Variants in GRID2 observed in about 807,000 individuals in gnomAD.
GRID2 encodes the protein glutamate receptor ionotropic, delta-2.
GRID2 carries 33 observed loss-of-function variants against 114.8 expected under a neutral mutation model. The ratio of observed to expected loss-of-function variants is 0.29; its 90% CI spans 0.22 to 0.38. The LOEUF (loss-of-function observed/expected upper bound fraction) is 0.38, where lower values mean the gene tolerates loss of function less well. GRID2 is among the 10% of genes least tolerant of loss of function. The pLI, the probability that GRID2 is intolerant of heterozygous loss-of-function variation, is 1.00. For synonymous variants in GRID2, 505 were observed against 449.9 expected (o/e 1.12, Z -1.55); for missense variants, 1,184 against 1,257.7 (o/e 0.94, Z 0.89).
intron 2 of GRID2, among the ~76,000 whole-genome samples, chr4:92,744,412 C>T (rs1479373770): frequency 2.0e-5 from 3 of 150,048 alleles, no homozygotes; most frequent in Non-Finnish European, 4.4e-5. Context: ...TCCTTGAACC[C>T]GGGAGGCGGA....
intron 2 of GRID2, among the ~76,000 whole-genome samples, chr4:92,749,990 T>C (rs182342471): frequency 8.9e-4 from 136 of 152,186 alleles, no homozygotes; most frequent in African/African-American, 3.2e-3. Context: ...GCCTCCCGAG[T>C]AGCTGGGATT....
chr4:92,930,095 C>T (rs1025169048), intron 2 of GRID2, among the ~76,000 whole-genome samples: 1 of 151,186 alleles, frequency 6.6e-6, no homozygotes, highest in African/African-American at 2.4e-5. Context: ...ATTTTCATAA[C>T]TTTTTCGTAA....
intron 11 of GRID2, among the ~76,000 whole-genome samples, chr4:93,481,348 C>T (rs760791951): frequency 6.6e-6 from 1 of 152,052 alleles, no homozygotes; most frequent in Non-Finnish European, 1.5e-5. Flanking sequence ...CTTATCAATG[C>T]ATGAGATATC....
chr4:93,704,276 T>C (rs1578615545), intron 14 of GRID2, among the ~76,000 whole-genome samples: 1 of 152,330 alleles, frequency 6.6e-6, no homozygotes, highest in East Asian at 1.9e-4. Flanking sequence ...ATGTGTCTTT[T>C]GGCTGCATAA....
At chr4:92,619,161 T>A (rs571640811) in intron 2 of GRID2, among the ~76,000 whole-genome samples, 1 of 151,868 alleles carries the variant, frequency 6.6e-6, no homozygotes, top group South Asian at 2.1e-4. Context: ...TGAGTAAATT[T>A]TCCACTCTTT....
intron 2 of GRID2, among the ~76,000 whole-genome samples, chr4:92,845,533 A>C (rs1743244623): frequency 6.6e-6 from 1 of 152,028 alleles, no homozygotes; most frequent in African/African-American, 2.4e-5. Context: ...ACCTGACCAA[A>C]AATAAAAATT....
chr4:92,863,445 A>G (rs760995128), intron 2 of GRID2, among the ~76,000 whole-genome samples: 1 of 152,090 alleles, frequency 6.6e-6, no homozygotes, highest in African/African-American at 2.4e-5. Flanking sequence ...AATTCAGGCA[A>G]CTAGAATGAC....
intron 8 of GRID2, among the ~76,000 whole-genome samples, chr4:93,277,106 A>G (rs541751361): frequency 6.6e-6 from 1 of 151,940 alleles, no homozygotes; most frequent in Non-Finnish European, 1.5e-5. Flanking sequence ...GATGCATAAT[A>G]CAAACTAGTA....
intron 2 of GRID2, among the ~76,000 whole-genome samples, chr4:92,689,442 G>A (rs1460344048): frequency 2.0e-5 from 3 of 152,118 alleles, no homozygotes; most frequent in South Asian, 2.1e-4. Flanking sequence ...CCCCAACCAC[G>A]GGGCCAGTTA....
intron 2 of GRID2, among the ~76,000 whole-genome samples, chr4:92,957,809 C>G (rs947660744): frequency 3.9e-5 from 6 of 152,028 alleles, no homozygotes; most frequent in African/African-American, 1.4e-4. Flanking sequence ...TCCATTTATT[C>G]AGTCCTTTTT....
chr4:93,307,305 A>T (rs1303973730), intron 8 of GRID2, among the ~76,000 whole-genome samples: 2 of 152,110 alleles, frequency 1.3e-5, no homozygotes, highest in Non-Finnish European at 2.9e-5. Flanking sequence ...TCAGTCCAGG[A>T]AAGGGAATAA....
chr4:93,117,646 C>A (rs1243373915), intron 4 of GRID2, among the ~76,000 whole-genome samples: 5 of 152,022 alleles, frequency 3.3e-5, no homozygotes, highest in Non-Finnish European at 7.4e-5. Flanking sequence ...TTATTTAGTG[C>A]CTTTTTCAAT....
intron 14 of GRID2, among the ~76,000 whole-genome samples, chr4:93,676,177 G>A (rs1218692917): frequency 6.6e-6 from 1 of 152,214 alleles, no homozygotes; most frequent in East Asian, 1.9e-4. Flanking sequence ...CATGAAAATA[G>A]TTCTTGAAGA....
At chr4:93,396,827 G>A (rs996416999) in intron 9 of GRID2, among the ~76,000 whole-genome samples, 1 of 151,904 alleles carries the variant, frequency 6.6e-6, no homozygotes, top group African/African-American at 2.4e-5. Context: ...TGTCTAAATA[G>A]CCATAAACCA....
At chr4:93,334,887 C>CACCATT (rs1758875210) in intron 8 of GRID2, among the ~76,000 whole-genome samples, 1 of 151,884 alleles carries the variant, frequency 6.6e-6, no homozygotes, top group South Asian at 2.1e-4. Context: ...GCTGAGATCA[C>CACCATT]GCCATTGCAT....
intron 2 of GRID2, among the ~76,000 whole-genome samples, chr4:92,962,006 A>G (rs1036340734): frequency 2.0e-5 from 3 of 151,668 alleles, no homozygotes; most frequent in Non-Finnish European, 4.4e-5. Context: ...GAGCTCTAGA[A>G]TTTCTTTTTG....
At chr4:93,769,830 C>T (rs989794255) in intron 15 of GRID2, among the ~76,000 whole-genome samples, 5 of 152,078 alleles carry the variant, frequency 3.3e-5, no homozygotes, top group Middle Eastern at 3.4e-3. Context: ...AAGTAAATTC[C>T]TCGTATCTCT....
chr4:93,512,157 G>A (rs1729253506), intron 12 of GRID2, among the ~76,000 whole-genome samples: 1 of 152,064 alleles, frequency 6.6e-6, no homozygotes. Flanking sequence ...ATTTGACATG[G>A]TATATTAATG....
At chr4:92,349,761 C>T (rs1019461627) in intron 1 of GRID2, among the ~76,000 whole-genome samples, 2 of 151,444 alleles carry the variant, frequency 1.3e-5, no homozygotes, top group East Asian at 1.9e-4. Flanking sequence ...GAATAATCTG[C>T]AGGGGAAAAC....
Sources: gnomAD v4.1 joint callset for allele counts (sites outside exome capture counted in the v4.1 genomes callset) on GRCh38, gnomAD v4.1.1 for gene constraint, MANE v1.5 for transcripts, NCBI Gene and HGNC (gene_info 2026-07-23, HGNC 2026-07-21) for gene names.